The following ITGB1 variants were observed in gnomAD, a reference collection of about 807,000 sequenced individuals.
ITGB1 encodes the protein integrin subunit beta 1, also known as integrin beta-1.
In ITGB1, 24 loss-of-function variants were observed where a neutral mutation model predicts 86.5. The ratio of observed to expected loss-of-function variants is 0.28; its 90% confidence interval spans 0.20 to 0.39. ITGB1 has a LOEUF of 0.39. Ranked by LOEUF, ITGB1 falls within the 10% of genes least tolerant of loss-of-function variation. The pLI, the probability that ITGB1 is intolerant of heterozygous loss-of-function variation, is 1.00. For missense variants in ITGB1, 556 were observed against 946.9 expected (o/e 0.59, Z 5.42); for synonymous variants, 323 against 316.8 (o/e 1.02, Z -0.21).
intron 1 of ITGB1, among the ~76,000 whole-genome samples, chr10:32,940,546 T>A (rs367818687): frequency 6.6e-6 from 1 of 152,144 alleles, no homozygotes; most frequent in Admixed American, 6.5e-5. Flanking sequence ...AGGCAACAGG[T>A]GTTTTTCAGC....
chr10:32,906,172 G>A (rs1320006372), intron 15 of ITGB1, among the ~76,000 whole-genome samples: 1 of 152,052 alleles, frequency 6.6e-6, no homozygotes, highest in Non-Finnish European at 1.5e-5. Flanking sequence ...AACCAATAAT[G>A]ATATTGTAGT....
At chr10:32,913,308 G>C (rs1236688851) in intron 11 of ITGB1, among the ~76,000 whole-genome samples, 5 of 152,220 alleles carry the variant, frequency 3.3e-5, no homozygotes, top group Non-Finnish European at 5.9e-5. Flanking sequence ...AAGCCGGACG[G>C]AGAATGACTT....
At chr10:32,902,036 A>C (rs1209829018) in intron 15 of ITGB1, among the ~76,000 whole-genome samples, 1 of 152,130 alleles carries the variant, frequency 6.6e-6, no homozygotes, top group Non-Finnish European at 1.5e-5. Context: ...CGTGAACAGA[A>C]GGCGCCTGCT....
intron 1 of ITGB1, among the ~76,000 whole-genome samples, chr10:32,941,392 A>T (rs909089302): frequency 6.6e-6 from 1 of 152,220 alleles, no homozygotes; most frequent in African/African-American, 2.4e-5. Flanking sequence ...TATTGTAAGT[A>T]TAAGTTATAT....
chr10:32,921,823 C>T (rs980664130), intron 9 of ITGB1, among the ~76,000 whole-genome samples: 26 of 151,468 alleles, frequency 1.7e-4, no homozygotes, highest in Non-Finnish European at 3.1e-4. Flanking sequence ...AATAGAAACC[C>T]ATATCCTCTG....
chr10:32,958,166 G>A lies in ITGB1; in HGVS notation c.-22C>T, dbSNP rs1426169097. 1.3e-5 allele frequency: 2 copies of A among 151,094 alleles called. No individual in the cohort carries two copies. Among genetic ancestry groups the A allele is most frequent in the African/African-American group, 4.9e-5 (2 of 41,208 alleles). 9.4% of individuals were successfully genotyped at this position (151,094 alleles called of 1,614,324 possible). On this transcript the variant is annotated 5_prime_UTR_variant, in exon 1 of 16. Transcript: ENST00000302278. ...CTACCTTTTCCGCGCGGCGTCCGGG[G>A]CCCGGCGCGGTGGGCTCGGGCCTGC...
chr10:32,956,003 T>A (rs2095051460), intron 1 of ITGB1, among the ~76,000 whole-genome samples: 1 of 152,234 alleles, frequency 6.6e-6, no homozygotes, highest in Non-Finnish European at 1.5e-5. Flanking sequence ...AATTAAAGTA[T>A]TAACCACATT....
chr10:32,922,356 A>G lies in ITGB1; in HGVS notation c.1039-10T>C. ...TCAAGTTTTTCAGCTCCTGCAATTAAAAGATAAAACACGTAAAATACAACT... is the reference window on the plus strand; with the variant it reads ...TCAAGTTTTTCAGCTCCTGCAATTAGAAGATAAAACACGTAAAATACAACT... On this transcript the variant is annotated splice_polypyrimidine_tract_variant and intron_variant, in intron 8 of 15. Coordinates refer to ENST00000302278, the MANE Select transcript of ITGB1 (RefSeq NM_002211.4). The G allele has an allele frequency of 1.9e-6, 3 of 1,582,732 alleles. No homozygotes were observed. Among genetic ancestry groups the G allele is most frequent in the Non-Finnish European group, 2.6e-6 (3 of 1,154,378 alleles).
At chr10:32,940,598 A>G (rs1196988553) in intron 1 of ITGB1, among the ~76,000 whole-genome samples, 2 of 152,208 alleles carry the variant, frequency 1.3e-5, no homozygotes, top group African/African-American at 4.8e-5. Flanking sequence ...TATGTGGTCC[A>G]TCACTGACCG....
chr10:32,957,010 C>A (rs2095053679), intron 1 of ITGB1, among the ~76,000 whole-genome samples: 1 of 152,174 alleles, frequency 6.6e-6, no homozygotes. Context: ...AGGCAACTTA[C>A]TTTTGCTCCC....
chr10:32,928,271 A>T lies in ITGB1; in HGVS notation c.377-7T>A. 1 of 840,160 alleles carries T rather than the reference A, an allele frequency of 1.2e-6. No homozygotes were observed. The highest frequency in any genetic ancestry group is 2.0e-5 in the Admixed American group (1 of 49,458). The allele number at this position is 840,160 out of a possible 1,614,324, so 52.0% of individuals were successfully genotyped here. A position where few individuals can be genotyped will look rare whatever the true frequency, so the allele number is the denominator to read the frequency against. On this transcript the variant is annotated splice_polypyrimidine_tract_variant and splice_region_variant and intron_variant, in intron 4 of 15. Transcript: ENST00000302278. ...GTAAATGTCTGTGGCTCCCCTAATT[A>T]GACAAGAGATTAGAAAATGAAACTT...
rs569525041 is a variant in ITGB1 at position 32,928,581 on chromosome 10, G to A, written c.377-317C>T. ...AACACCATAAATTAGTCTGGAGAGGGCAAGGCAGAACACGTGATAGGGTAC... is the reference window on the plus strand; with the variant it reads ...AACACCATAAATTAGTCTGGAGAGGACAAGGCAGAACACGTGATAGGGTAC... On this transcript the variant is annotated intron_variant, in intron 4 of 15. Coordinates refer to ENST00000302278, the MANE Select transcript of ITGB1 (RefSeq NM_002211.4). Among the ~76,000 whole-genome samples, 9 of 152,202 alleles carry A rather than the reference G, an allele frequency of 5.9e-5. No individual in the cohort carries two copies. In the South Asian group the frequency reaches 1.9e-3, roughly 32 times the overall value.
intron 1 of ITGB1, among the ~76,000 whole-genome samples, chr10:32,956,913 G>A (rs1409150833): frequency 6.6e-6 from 1 of 152,106 alleles, no homozygotes; most frequent in African/African-American, 2.4e-5. Context: ...TTGATTTTCA[G>A]AACTATAGTT....
chr10:32,940,664 T>C (rs544649179), intron 1 of ITGB1, among the ~76,000 whole-genome samples: 1 of 152,330 alleles, frequency 6.6e-6, no homozygotes, highest in South Asian at 2.1e-4. Flanking sequence ...CAACCATATA[T>C]GTGAAATTAC....
rs552574205 is a variant in ITGB1, at chr10:32,903,774, C to A, written c.2332-2139G>T. ...CTAATACATTATACAGCTGTGAGAG[C>A]AGACATTTCAAAATGGGGGTCAGGA... is the stretch of plus-strand genomic sequence containing the variant. On this transcript the variant is annotated intron_variant, in intron 15 of 15. Transcript: ENST00000302278. Among the ~76,000 whole-genome samples the A allele has an allele frequency of 3.9e-5, 6 of 152,228 alleles. No homozygotes were observed. In the South Asian group the frequency reaches 1.2e-3, roughly 32 times the overall value.
intron 6 of ITGB1, among the ~76,000 whole-genome samples, chr10:32,923,997 T>A (rs1323193410): frequency 6.6e-6 from 1 of 152,184 alleles, no homozygotes; most frequent in African/African-American, 2.4e-5. Flanking sequence ...AAACTGTTTT[T>A]TTGTTTTGTT....
intron 1 of ITGB1, among the ~76,000 whole-genome samples, chr10:32,943,484 G>A (rs1320882605): frequency 6.6e-6 from 1 of 151,606 alleles, no homozygotes; most frequent in Admixed American, 6.6e-5. Context: ...GAGGAAAGGT[G>A]GGGGTGGGGG....
chr10:32,911,848 G>A, intron 12 of ITGB1, 38 bp downstream of exon 12: 3 of 1,543,662 alleles, frequency 1.9e-6, no homozygotes, highest in African/African-American at 1.4e-5. Context: ...GCATTAGATG[G>A]GATCACATCT....
chr10:32,929,304 G>A (rs941116371), intron 4 of ITGB1, among the ~76,000 whole-genome samples: 2 of 152,192 alleles, frequency 1.3e-5, no homozygotes, highest in African/African-American at 4.8e-5. Context: ...CCTGGTTGAG[G>A]AGGGGCCGGG....
Sources: gnomAD v4.1 joint callset for allele counts (sites outside exome capture counted in the v4.1 genomes callset) on GRCh38, gnomAD v4.1.1 for gene constraint, MANE v1.5 for transcripts, NCBI Gene and HGNC (gene_info 2026-07-23, HGNC 2026-07-21) for gene names.